TRIM44: variants seen among roughly 807,000 people sequenced by gnomAD.
TRIM44 encodes tripartite motif-containing protein 44.
Under a neutral mutation model 37.4 loss-of-function variants are expected in TRIM44, and 13 were observed. That is an observed-to-expected ratio of 0.35 (90% CI 0.23 to 0.55). The LOEUF (loss-of-function observed/expected upper bound fraction) is 0.55, where lower values mean the gene tolerates loss of function less well. Ranked by LOEUF, TRIM44 falls within the 20% of genes least tolerant of loss-of-function variation. The probability of loss-of-function intolerance (pLI) is 0.89; values close to 1 mark genes in which losing one functional copy is unlikely to be tolerated. For missense variants in TRIM44, 426 were observed against 437.2 expected (o/e 0.97, Z 0.23); for synonymous variants, 175 against 157.2 (o/e 1.11, Z -0.85).
chr11:35,756,022 T>A (rs1465257977), intron 4 of TRIM44, among the ~76,000 whole-genome samples: 1 of 152,096 alleles, frequency 6.6e-6, no homozygotes, highest in Non-Finnish European at 1.5e-5. Context: ...TTTAAAGTAG[T>A]TTTTTCCAAT....
At chr11:35,743,145 G>C (rs560763161) in intron 4 of TRIM44, among the ~76,000 whole-genome samples, 1 of 152,168 alleles carries the variant, frequency 6.6e-6, no homozygotes, top group Non-Finnish European at 1.5e-5. Flanking sequence ...TCTAAGCAAA[G>C]AGGTAAGTAG....
At chr11:35,682,792 A>G (rs577897244) in intron 1 of TRIM44, among the ~76,000 whole-genome samples, 11 of 152,318 alleles carry the variant, frequency 7.2e-5, no homozygotes, top group African/African-American at 2.6e-4. Context: ...GGGTTCCCTT[A>G]TTCATCCACA....
At chr11:35,721,875 A>G (rs1374623315) in intron 2 of TRIM44, among the ~76,000 whole-genome samples, 2 of 152,234 alleles carry the variant, frequency 1.3e-5, no homozygotes, top group African/African-American at 4.8e-5. Context: ...AAAAGACACA[A>G]GAAATAGGAG....
chr11:35,779,918 G>T (rs1853038761), intron 4 of TRIM44, among the ~76,000 whole-genome samples: 1 of 149,782 alleles, frequency 6.7e-6, no homozygotes, highest in African/African-American at 2.5e-5. Context: ...ATGGCTATAG[G>T]TGTGCAGCTT....
chr11:35,674,759 T>C (rs1851440587), intron 1 of TRIM44, among the ~76,000 whole-genome samples: 1 of 152,184 alleles, frequency 6.6e-6, no homozygotes, highest in Non-Finnish European at 1.5e-5. Context: ...ATAAGCAAAG[T>C]TTCTAACTTC....
intron 1 of TRIM44, among the ~76,000 whole-genome samples, chr11:35,672,431 T>C (rs766083090): frequency 6.6e-6 from 1 of 152,182 alleles, no homozygotes; most frequent in Non-Finnish European, 1.5e-5. Context: ...GAAGAAAAGG[T>C]AGAGTCTTAC....
chr11:35,748,875 A>C (rs552268580), intron 4 of TRIM44, among the ~76,000 whole-genome samples: 1 of 152,204 alleles, frequency 6.6e-6, no homozygotes, highest in Non-Finnish European at 1.5e-5. Flanking sequence ...GGTAAAGCTC[A>C]GAAGAAGAGG....
intron 2 of TRIM44, among the ~76,000 whole-genome samples, chr11:35,716,901 G>T (rs1296906054): frequency 2.0e-5 from 3 of 152,062 alleles, no homozygotes; most frequent in African/African-American, 7.2e-5. Flanking sequence ...TCTGTAAATG[G>T]GTATAATAAT....
chr11:35,790,470 A>G (rs145097155), intron 4 of TRIM44, among the ~76,000 whole-genome samples: 2 of 152,302 alleles, frequency 1.3e-5, no homozygotes, highest in East Asian at 1.9e-4. Flanking sequence ...ACTTTGTTCA[A>G]TCTTGAGATT....
In TRIM44 at chr11:35,754,301, G is replaced by T. The variant is rs77770625; in HGVS notation, c.1007+18856G>T. ...GGGAATCATCTCGGATTTCTTGCAG[G>T]ATGCAGGGAAACATTCTGGATGTAG... On this transcript the variant is annotated intron_variant, in intron 4 of 4. Coordinates refer to ENST00000299413, the MANE Select transcript of TRIM44 (RefSeq NM_017583.6). Among the ~76,000 whole-genome samples the T allele has an allele frequency of 0.014, 2,098 of 152,178 alleles. 115 individuals are homozygous for T. The East Asian group carries it at 0.14, about 10-fold the overall frequency.
intron 4 of TRIM44, among the ~76,000 whole-genome samples, chr11:35,800,337 C>T (rs1299154447): frequency 6.6e-6 from 1 of 152,116 alleles, no homozygotes; most frequent in African/African-American, 2.4e-5. Flanking sequence ...GGAAGGGGAC[C>T]CGAGTGGGTT....
chr11:35,793,107 A>ATGGCC (rs999624108), intron 4 of TRIM44, among the ~76,000 whole-genome samples: 1 of 151,560 alleles, frequency 6.6e-6, no homozygotes, highest in Non-Finnish European at 1.5e-5. Context: ...TCTGAGGGAA[A>ATGGCC]TGGCCACTTT....
intron 4 of TRIM44, among the ~76,000 whole-genome samples, chr11:35,781,259 T>C (rs1853062569): frequency 6.6e-6 from 1 of 152,176 alleles, no homozygotes; most frequent in Non-Finnish European, 1.5e-5. Flanking sequence ...TTTTTTAATG[T>C]AATGTGCATA....
At chr11:35,764,912 GT>G (rs1852774213) in intron 4 of TRIM44, among the ~76,000 whole-genome samples, 1 of 151,912 alleles carries the variant, frequency 6.6e-6, no homozygotes, top group South Asian at 2.1e-4. Flanking sequence ...GATGAATGTT[GT>G]ACTTAATTTT....
At chr11:35,699,341 A>G (rs1794146693) in intron 2 of TRIM44, among the ~76,000 whole-genome samples, 1 of 152,208 alleles carries the variant, frequency 6.6e-6, no homozygotes, top group Non-Finnish European at 1.5e-5. Context: ...AACAGAACCA[A>G]AGACAAAAAT....
chr11:35,672,173 A>G (rs1851400448), intron 1 of TRIM44, among the ~76,000 whole-genome samples: 1 of 152,212 alleles, frequency 6.6e-6, no homozygotes, highest in African/African-American at 2.4e-5. Context: ...AATTATTTTG[A>G]ACACAACCTA....
chr11:35,671,305 G>T (rs1401917949), intron 1 of TRIM44, among the ~76,000 whole-genome samples: 1 of 152,084 alleles, frequency 6.6e-6, no homozygotes, highest in Non-Finnish European at 1.5e-5. Flanking sequence ...TTGACCTTAG[G>T]CAAGTTATGT....
chr11:35,725,178 A>G (rs989720746), intron 2 of TRIM44, among the ~76,000 whole-genome samples: 2 of 152,170 alleles, frequency 1.3e-5, no homozygotes, highest in Non-Finnish European at 2.9e-5. Context: ...ATATATCTTA[A>G]GTAGAAAAGT....
chr11:35,776,904 TGTG>T (rs1330021763), intron 4 of TRIM44, among the ~76,000 whole-genome samples: 6 of 152,244 alleles, frequency 3.9e-5, no homozygotes, highest in African/African-American at 1.4e-4. Flanking sequence ...ATAAGTGCGA[TGTG>T]GTGCTGAGAA....
Sources: allele counts gnomAD v4.1 joint callset (sites outside exome capture counted in the v4.1 genomes callset), GRCh38; gene constraint gnomAD v4.1.1; transcripts MANE v1.5; gene names NCBI Gene and HGNC (gene_info 2026-07-23, HGNC 2026-07-21).